The following ZCCHC2 variants were observed in gnomAD, a reference collection of about 807,000 sequenced individuals.
ZCCHC2 encodes the protein zinc finger CCHC-type containing 2, also known as zinc finger CCHC domain-containing protein 2.
In ZCCHC2, 39 loss-of-function variants were observed where a neutral mutation model predicts 103.6. That is an observed-to-expected ratio of 0.38 (90% CI 0.29 to 0.49). The LOEUF is 0.49. Ranked by LOEUF, ZCCHC2 falls within the 20% of genes least tolerant of loss-of-function variation. The pLI is 0.96. For synonymous variants in ZCCHC2, 687 were observed against 608.9 expected, an observed-to-expected ratio of 1.13 and a Z score of -1.89; for missense variants, 1,483 against 1,491.0, an observed-to-expected ratio of 0.99 and a Z score of 0.09.
At chr18:62,531,353 A>C (rs1400596975) in intron 1 of ZCCHC2, among the ~76,000 whole-genome samples, 1 of 152,218 alleles carries the variant, frequency 6.6e-6, no homozygotes, top group African/African-American at 2.4e-5. Flanking sequence ...TCTCGGGAAC[A>C]TTTGACCTTT....
chr18:62,569,806 AG>A (rs1473436049), intron 11 of ZCCHC2, among the ~76,000 whole-genome samples: 9 of 152,144 alleles, frequency 5.9e-5, no homozygotes, highest in African/African-American at 2.2e-4. Flanking sequence ...TAAAATATCT[AG>A]ACTTAGAAAG....
intron 9 of ZCCHC2, among the ~76,000 whole-genome samples, chr18:62,564,071 C>G (rs1329864483): frequency 6.6e-6 from 1 of 152,154 alleles, no homozygotes; most frequent in Non-Finnish European, 1.5e-5. Flanking sequence ...AATGTTAACT[C>G]TTCTTGGAAT....
Position 62,534,311 on chromosome 18 carries a change from T to TAAA in ZCCHC2, c.940-5355_940-5353dup, listed in dbSNP as rs11403938. ...TGGGAGACAGAGGGAGATCCTGTCT[T>TAAA]AAAAAAAAAAAAAAAAATCTGATTA... On this transcript the variant is annotated intron_variant, in intron 1 of 13. Coordinates refer to ENST00000269499, the MANE Select transcript of ZCCHC2 (RefSeq NM_017742.6). Among the ~76,000 whole-genome samples the TAAA allele has an allele frequency of 3.8e-4, 54 of 143,922 alleles. 1 individual carries two copies. The highest frequency in any genetic ancestry group is 1.4e-3 in the African/African-American group (53 of 39,158). The allele number at this position is 143,922 out of a possible 152,430, so 94.4% of individuals were successfully genotyped here.
chr18:62,531,264 G>A (rs1221763578), intron 1 of ZCCHC2, among the ~76,000 whole-genome samples: 1 of 152,182 alleles, frequency 6.6e-6, no homozygotes, highest in Non-Finnish European at 1.5e-5. Flanking sequence ...TAAAAAGGAA[G>A]TGCCTAATCG....
Position 62,564,612 on chromosome 18 carries a change from GA to G in ZCCHC2, c.1731del (p.Gly578GlufsTer17). On this transcript the variant is annotated frameshift_variant, in exon 10 of 14. Transcript: ENST00000269499. LOFTEE classifies it high-confidence loss of function. ...GGAGTTTATCTTCAATAAATAAGAA[GA>G]AAGGAAAGCCACAAACAGAAAAGTA... ...KRSLSSINKK[K>X]GKPQTEKEKI... is the part of the protein sequence containing the mutation. 1 of 1,544,880 alleles carries G rather than the reference GA, an allele frequency of 6.5e-7. No individual in the cohort carries two copies. Among genetic ancestry groups the G allele is most frequent in the Non-Finnish European group, 8.7e-7 (1 of 1,143,756 alleles).
At chr18:62,565,446 T>C (rs573036285) in intron 11 of ZCCHC2, among the ~76,000 whole-genome samples, 45 of 152,246 alleles carry the variant, frequency 3.0e-4, no homozygotes, top group Non-Finnish European at 6.2e-4. Flanking sequence ...CGGCCGCTCA[T>C]GAGAGTGTTT....
intron 1 of ZCCHC2, among the ~76,000 whole-genome samples, chr18:62,531,640 TGGATGAGTAGA>T (rs1914678329): frequency 1.3e-5 from 2 of 151,980 alleles, no homozygotes; most frequent in African/African-American, 4.8e-5. Context: ...TTGGTTGCAG[TGGATGAGTAGA>T]AAAACAGATG....
chr18:62,556,898 A>G (rs571180798), intron 6 of ZCCHC2, among the ~76,000 whole-genome samples: 1 of 152,306 alleles, frequency 6.6e-6, no homozygotes, highest in Admixed American at 6.5e-5. Flanking sequence ...ACAAGGATAA[A>G]TGTGTTAAAT....
chr18:62,553,356 A>G (rs567448450), intron 5 of ZCCHC2, among the ~76,000 whole-genome samples: 126 of 152,318 alleles, frequency 8.3e-4, no homozygotes, highest in African/African-American at 2.7e-3. Context: ...TAGCTGAACC[A>G]TAATTAATCA....
chr18:62,555,808 C>CAA (rs71160849), intron 5 of ZCCHC2, among the ~76,000 whole-genome samples: 44 of 136,290 alleles, frequency 3.2e-4, no homozygotes, highest in Admixed American at 1.0e-3. Context: ...AATTCAGTCT[C>CAA]AAAAAAAAAA....
At chr18:62,554,646 G>T (rs1366879429) in intron 5 of ZCCHC2, among the ~76,000 whole-genome samples, 1 of 152,206 alleles carries the variant, frequency 6.6e-6, no homozygotes, top group African/African-American at 2.4e-5. Context: ...TATCTGGGCT[G>T]TTGCCTGGGA....
In ZCCHC2 at chr18:62,574,864, T is replaced by C. The variant is rs1350818561; in HGVS notation, c.2783T>C (p.Leu928Ser). 6.2e-7 allele frequency: 1 copy of C among 1,613,888 alleles called. No homozygotes were observed. Among genetic ancestry groups the C allele is most frequent in the South Asian group, 1.1e-5 (1 of 91,076 alleles). The part of the protein sequence containing the change: ...LPGSPLAAGV[L>S]PSQNSSVLST... ...GGCTCTCCCCTTGCTGCCGGCGTGT[T>C]ACCCAGCCAGAACTCCAGTGTGCTC... The change falls in exon 13 of 14, where the codon TTA becomes TCA. Residue 928 changes from leucine (L) to serine (S), a missense_variant. Leu to Ser is a moderately radical substitution (Grantham distance 145). Transcript: ENST00000269499.
intron 11 of ZCCHC2, among the ~76,000 whole-genome samples, chr18:62,566,261 T>C (rs1916360358): frequency 2.0e-5 from 3 of 151,984 alleles, no homozygotes; most frequent in African/African-American, 7.2e-5. Context: ...AATAAATAAA[T>C]AATAAATTAA....
At position 62,523,351 on chromosome 18, in the gene ZCCHC2, G is replaced by T. The variant is rs937708752; in HGVS notation, c.-74G>T. On this transcript the variant is annotated 5_prime_UTR_variant, in exon 1 of 14. Coordinates refer to ENST00000269499, the MANE Select transcript of ZCCHC2 (RefSeq NM_017742.6). ...CCCCGCTCCTGACGGCCGCGCCGCC[G>T]CCTCGGCCCGTGCTCCACCTCGCGG... The T allele has an allele frequency of 4.0e-6, 4 of 987,850 alleles. No homozygotes were observed. Among genetic ancestry groups the T allele is most frequent in the Non-Finnish European group, 4.8e-6 (4 of 832,934 alleles). The allele number at this position is 987,850 out of a possible 1,614,324, so 61.2% of individuals were successfully genotyped here.
intron 12 of ZCCHC2, among the ~76,000 whole-genome samples, chr18:62,572,551 T>C (rs142320119): frequency 7.9e-5 from 12 of 152,222 alleles, no homozygotes; most frequent in South Asian, 2.1e-4. Flanking sequence ...GAATTCTGAG[T>C]GGATGAAAAG....
chr18:62,523,603 C>A lies in ZCCHC2; in HGVS notation c.179C>A (p.Pro60Gln). Residue 60 changes from proline to glutamine, a missense_variant, in exon 1 of 14, where the codon CCG (proline) becomes CAG (glutamine). This residue lies in a region of ZCCHC2 where 568 missense variants were observed against 525.1 expected (regional missense o/e 1.08). Coordinates refer to ENST00000269499, the MANE Select transcript of ZCCHC2 (RefSeq NM_017742.6). ...PAGPSRGPLPPPPPPRGLGPP... is the reference protein window; with the variant it reads ...PAGPSRGPLPQPPPPRGLGPP... ...GGCCCGTCGCGGGGCCCTCTGCCGC[C>A]GCCGCCGCCGCCCCGGGGACTCGGG... The A allele has an allele frequency of 9.2e-7, 1 of 1,091,354 alleles. No individual in the cohort carries two copies. Among genetic ancestry groups the A allele is most frequent in the Non-Finnish European group, 1.1e-6 (1 of 898,464 alleles). 67.6% of individuals were successfully genotyped at this position (1,091,354 alleles called of 1,614,324 possible).
At position 62,523,308 on chromosome 18, in the gene ZCCHC2, C is replaced by A; in HGVS notation, c.-117C>A. ...GACCCGCCCCCGGCCCCGGCCCTCC[C>A]CCGGCGGCATGGAGGGGCCCCGCTC... On this transcript the variant is annotated 5_prime_UTR_variant, in exon 1 of 14. Coordinates refer to ENST00000269499, the MANE Select transcript of ZCCHC2 (RefSeq NM_017742.6). The A allele has an allele frequency of 1.0e-6, 1 of 971,052 alleles. No individual in the cohort carries two copies. The allele number at this position is 971,052 out of a possible 1,614,324, so 60.2% of individuals were successfully genotyped here.
Position 62,574,348 on chromosome 18 carries a change from T to C in ZCCHC2, c.2267T>C (p.Val756Ala). 15 of 1,614,028 alleles carry C rather than the reference T, an allele frequency of 9.3e-6. No homozygotes were observed. The highest frequency in any genetic ancestry group is 1.3e-5 in the Non-Finnish European group (15 of 1,179,896). Reference protein sequence around the residue: ...KTIGMLVPSPVAISAIRESAN... With the variant: ...KTIGMLVPSPAAISAIRESAN... ...ATAGGGATGCTTGTTCCTAGTCCTGTTGCTATTTCTGCAATAAGGGAGTCT... is the reference window on the plus strand; with the variant it reads ...ATAGGGATGCTTGTTCCTAGTCCTGCTGCTATTTCTGCAATAAGGGAGTCT... The change falls in exon 13 of 14, where the codon GTT (valine) becomes GCT (alanine). Residue 756 changes from valine to alanine, a missense_variant. Transcript: ENST00000269499.
chr18:62,558,776 G>T lies in ZCCHC2; in HGVS notation c.1492+6G>T. 1 of 1,532,988 alleles carries T rather than the reference G, an allele frequency of 6.5e-7. No homozygotes were observed. Among genetic ancestry groups the T allele is most frequent in the South Asian group, 1.2e-5 (1 of 81,514 alleles). 95.0% of individuals were successfully genotyped at this position (1,532,988 alleles called of 1,614,324 possible). ...AGCTTCAAGTCAAGAAGAAGGTAAA[G>T]GTAGATTCACTAGAGTAAATCATTC... is the stretch of plus-strand genomic sequence containing the variant. On this transcript the variant is annotated splice_donor_region_variant and intron_variant, in intron 7 of 13. Transcript: ENST00000269499.
Sources: allele counts gnomAD v4.1 joint callset (sites outside exome capture counted in the v4.1 genomes callset), GRCh38; gene constraint gnomAD v4.1.1; regional missense constraint gnomAD v4.1.1; transcripts MANE v1.5; gene names NCBI Gene and HGNC (gene_info 2026-07-23, HGNC 2026-07-21).